The following MANBA variants were observed in gnomAD, a reference collection of about 807,000 sequenced individuals.
MANBA encodes the protein beta-mannosidase.
Under a neutral mutation model 111.1 loss-of-function variants are expected in MANBA, and 83 were observed. The observed-to-expected ratio is 0.75, with a 90% confidence interval of 0.63 to 0.90. The LOEUF (loss-of-function observed/expected upper bound fraction) is 0.90, where lower values mean the gene tolerates loss of function less well. MANBA is among the 40% of genes least tolerant of loss of function. The probability of loss-of-function intolerance (pLI) is 0.00; values close to 1 mark genes in which losing one functional copy is unlikely to be tolerated. For synonymous variants in MANBA, 370 were observed against 378.7 expected, an observed-to-expected ratio of 0.98 and a Z score of 0.27; for missense variants, 1,036 against 1,069.0, an observed-to-expected ratio of 0.97 and a Z score of 0.43.
In MANBA at chr4:102,742,884, C is replaced by T. The variant is rs928084450; in HGVS notation, c.178-16201G>A. On this transcript the variant is annotated intron_variant, in intron 1 of 16. Transcript: ENST00000647097. ...CCCAGGAATGGTGCCATATCGTGGG[C>T]TCAGTGTCGGTCTCTGCTGCTGGCA... Among the ~76,000 whole-genome samples the T allele has an allele frequency of 1.6e-4, 25 of 151,962 alleles. No individual in the cohort carries two copies. The East Asian group carries it at 1.9e-3, about 12-fold the overall frequency.
chr4:102,684,800 C>T (rs906554322), intron 7 of MANBA, among the ~76,000 whole-genome samples: 1 of 152,112 alleles, frequency 6.6e-6, no homozygotes, highest in African/African-American at 2.4e-5. Flanking sequence ...ATATGCTCAA[C>T]AAAGCGATGA....
chr4:102,645,063 T>C (rs1030912859), intron 13 of MANBA, among the ~76,000 whole-genome samples: 1 of 152,042 alleles, frequency 6.6e-6, no homozygotes, highest in Admixed American at 6.6e-5. Context: ...TTTTAAAATC[T>C]TTTTTTCAAC....
At position 102,694,897 on chromosome 4, in the gene MANBA, T is replaced by C. The variant is rs141829395; in HGVS notation, c.674-4126A>G. 8.0e-4 allele frequency among the ~76,000 whole-genome samples: 122 copies of C among 152,178 alleles called. 1 individual carries two copies. Among genetic ancestry groups the C allele is most frequent in the African/African-American group, 2.9e-3 (119 of 41,524 alleles). On this transcript the variant is annotated intron_variant, in intron 5 of 16. Transcript: ENST00000647097. ...TGTCCTAAGCCCAAGCAGAAGAGATTATGTTCTACAGTTTGTTCATATAAC... is the reference window on the plus strand; with the variant it reads ...TGTCCTAAGCCCAAGCAGAAGAGATCATGTTCTACAGTTTGTTCATATAAC...
chr4:102,664,349 A>G (rs1464331467), intron 11 of MANBA, among the ~76,000 whole-genome samples: 1 of 132,846 alleles, frequency 7.5e-6, no homozygotes, highest in Non-Finnish European at 1.6e-5. Flanking sequence ...TTAAACATAC[A>G]TTCTTTTTTT....
chr4:102,682,598 T>G (rs1280279057), intron 7 of MANBA: 3 of 152,338 alleles, frequency 2.0e-5, no homozygotes, highest in East Asian at 3.9e-4. Flanking sequence ...AAATACAACC[T>G]TATTTGGAAA....
At chr4:102,749,248 T>C (rs1279681919) in intron 1 of MANBA, among the ~76,000 whole-genome samples, 1 of 152,248 alleles carries the variant, frequency 6.6e-6, no homozygotes, top group Non-Finnish European at 1.5e-5. Context: ...TGGAGTTTCA[T>C]ATGCCATGAA....
intron 8 of MANBA, 65 bp downstream of exon 8, chr4:102,673,854 T>C (rs1731604775): frequency 6.8e-7 from 1 of 1,463,068 alleles, no homozygotes; most frequent in Admixed American, 1.7e-5. Context: ...TAAAAATGAG[T>C]AAACCTCAAG....
intron 13 of MANBA, among the ~76,000 whole-genome samples, chr4:102,641,880 G>C (rs1729892618): frequency 2.0e-5 from 3 of 151,128 alleles, no homozygotes; most frequent in Non-Finnish European, 2.9e-5. Flanking sequence ...GAAAAGAAAA[G>C]AGCACAAAGT....
At chr4:102,729,287 G>C (rs527365100) in intron 1 of MANBA, 2 of 753,924 alleles carry the variant, frequency 2.7e-6, no homozygotes, top group East Asian at 5.0e-5. Flanking sequence ...TCATCCTCGT[G>C]CTTCCCAGCC....
intron 7 of MANBA, among the ~76,000 whole-genome samples, chr4:102,678,924 TA>T (rs981518433): frequency 1.3e-5 from 2 of 152,210 alleles, no homozygotes; most frequent in African/African-American, 4.8e-5. Flanking sequence ...ATCAGATACT[TA>T]AAAAGCTGTA....
intron 1 of MANBA, among the ~76,000 whole-genome samples, chr4:102,754,713 C>A (rs139615830): frequency 6.6e-6 from 1 of 151,910 alleles, no homozygotes; most frequent in African/African-American, 2.4e-5. Context: ...CTGGCCACCA[C>A]GCCGGACTAA....
intron 1 of MANBA, chr4:102,728,929 G>A: frequency 1.3e-6 from 1 of 758,180 alleles, no homozygotes; most frequent in Non-Finnish European, 2.4e-6. Context: ...AACCACTGGT[G>A]GTCTTTGTAT....
At chr4:102,712,806 G>A (rs1722138620) in intron 5 of MANBA, among the ~76,000 whole-genome samples, 1 of 152,180 alleles carries the variant, frequency 6.6e-6, no homozygotes, top group African/African-American at 2.4e-5. Context: ...TGGAATTACA[G>A]GCATGAGCCA....
chr4:102,744,129 A>T (rs1258012701), intron 1 of MANBA, among the ~76,000 whole-genome samples: 2 of 152,198 alleles, frequency 1.3e-5, no homozygotes, highest in Non-Finnish European at 2.9e-5. Context: ...CCAAATGTGG[A>T]ATGTGTTGCC....
chr4:102,684,759 G>A (rs393223), intron 7 of MANBA, among the ~76,000 whole-genome samples: 86,185 of 151,986 alleles, frequency 0.57, 26,071 homozygotes, highest in South Asian at 0.79. Context: ...GCTGCTGAGT[G>A]ACTAACAGGT....
At chr4:102,721,647 T>C (rs970714303) in intron 4 of MANBA, among the ~76,000 whole-genome samples, 4 of 152,326 alleles carry the variant, frequency 2.6e-5, no homozygotes, top group African/African-American at 9.6e-5. Flanking sequence ...GAGGAAATTA[T>C]GCTAAGTGAA....
intron 5 of MANBA, among the ~76,000 whole-genome samples, chr4:102,712,117 C>T (rs541198540): frequency 1.3e-5 from 2 of 152,224 alleles, no homozygotes; most frequent in East Asian, 1.9e-4. Flanking sequence ...GATAGATACC[C>T]GAATTACCTT....
chr4:102,636,334 G>A (rs1729634161), intron 14 of MANBA, among the ~76,000 whole-genome samples: 2 of 152,296 alleles, frequency 1.3e-5, no homozygotes, highest in East Asian at 1.9e-4. Flanking sequence ...AGACTATATG[G>A]TATAGCCTGT....
intron 5 of MANBA, among the ~76,000 whole-genome samples, chr4:102,699,283 T>A (rs968166929): frequency 3.7e-4 from 55 of 150,498 alleles, no homozygotes; most frequent in Admixed American, 9.9e-4. Flanking sequence ...TTTCTAGATA[T>A]ACAATCATGT....
Sources: gnomAD v4.1 joint callset for allele counts (sites outside exome capture counted in the v4.1 genomes callset) on GRCh38, gnomAD v4.1.1 for gene constraint, MANE v1.5 for transcripts, NCBI Gene and HGNC (gene_info 2026-07-23, HGNC 2026-07-21) for gene names.